KCNU1: variants seen among roughly 807,000 people sequenced by gnomAD.
KCNU1 encodes the protein potassium calcium-activated channel subfamily U member 1.
Under a neutral mutation model 126.8 loss-of-function variants are expected in KCNU1, and 93 were observed. The ratio of observed to expected loss-of-function variants is 0.73; its 90% CI spans 0.62 to 0.87. The LOEUF (loss-of-function observed/expected upper bound fraction) is 0.87. Ranked by LOEUF, KCNU1 falls within the 40% of genes least tolerant of loss-of-function variation. KCNU1 has a pLI of 0.00. For synonymous variants in KCNU1, 523 were observed against 494.2 expected, an observed-to-expected ratio of 1.06 and a Z score of -0.77; for missense variants, 1,330 against 1,367.1, an observed-to-expected ratio of 0.97 and a Z score of 0.43.
At chr8:36,900,094 G>C (rs1807355139) in intron 19 of KCNU1, among the ~76,000 whole-genome samples, 1 of 152,058 alleles carries the variant, frequency 6.6e-6, no homozygotes, top group South Asian at 2.1e-4. Context: ...TTCATGGCAG[G>C]TCTTTTTAAA....
chr8:36,925,309 A>G (rs1158951695), intron 24 of KCNU1, among the ~76,000 whole-genome samples: 1 of 152,172 alleles, frequency 6.6e-6, no homozygotes, highest in Non-Finnish European at 1.5e-5. Flanking sequence ...CATTTGCTCA[A>G]CTGAATTTGG....
intron 24 of KCNU1, among the ~76,000 whole-genome samples, chr8:36,926,083 G>A (rs548041905): frequency 6.6e-6 from 1 of 152,100 alleles, no homozygotes; most frequent in Non-Finnish European, 1.5e-5. Context: ...ATCTTAAGAA[G>A]AGTAACATCT....
intron 25 of KCNU1, among the ~76,000 whole-genome samples, chr8:36,931,778 A>T (rs1157784040): frequency 6.6e-6 from 1 of 152,050 alleles, no homozygotes; most frequent in African/African-American, 2.4e-5. Flanking sequence ...TGGGTCTAAG[A>T]ATCTGGCTGC....
intron 18 of KCNU1, among the ~76,000 whole-genome samples, chr8:36,846,367 T>C (rs1805145266): frequency 6.6e-6 from 1 of 152,224 alleles, no homozygotes. Flanking sequence ...AGTTTACTCA[T>C]CCTGACATGG....
chr8:36,935,527 C>A lies in KCNU1; in HGVS notation c.3057C>A (p.Thr1019=). 6.3e-7 allele frequency: 1 copy of A among 1,596,874 alleles called. No homozygotes were observed. The highest frequency in any genetic ancestry group is 8.5e-7 in the Non-Finnish European group (1 of 1,170,354). ...LNPENKRFVI[T]RPANEFKLLP... The stretch of plus-strand genomic sequence containing the variant: ...ACTTGTCTTACAGGTTTGTGATCAC[C>A]CGGCCAGCCAATGAGTTCAAGCTGC... The change falls in exon 27 of 27, where the codon ACC becomes ACA. Residue 1019 remains threonine, a synonymous_variant. Coordinates refer to ENST00000399881, the MANE Select transcript of KCNU1 (RefSeq NM_001031836.3).
At chr8:36,880,256 C>T (rs544469782) in intron 19 of KCNU1, among the ~76,000 whole-genome samples, 74 of 152,116 alleles carry the variant, frequency 4.9e-4, no homozygotes, top group African/African-American at 1.6e-3. Flanking sequence ...CGTCTATTGG[C>T]GATGATTTGG....
intron 19 of KCNU1, among the ~76,000 whole-genome samples, chr8:36,876,186 G>A (rs148657441): frequency 1.1e-4 from 16 of 152,164 alleles, no homozygotes; most frequent in Non-Finnish European, 1.5e-4. Flanking sequence ...CCCCTAGGCC[G>A]ACACAGGACA....
Position 36,797,603 on chromosome 8 carries a change from A to C in KCNU1, c.316-6424A>C, listed in dbSNP as rs546903469. Among the ~76,000 whole-genome samples, 29 of 151,934 alleles carry C rather than the reference A, an allele frequency of 1.9e-4. 1 individual carries two copies. In the South Asian group the frequency reaches 5.8e-3, roughly 31 times the overall value. Reference sequence around the variant, plus strand: ...TTTATTATGTACCAGTTTTTCTTACATAACACACTATTTCTTTCTGAATGT... The same window carrying C: ...TTTATTATGTACCAGTTTTTCTTACCTAACACACTATTTCTTTCTGAATGT... On this transcript the variant is annotated intron_variant, in intron 2 of 26. Transcript: ENST00000399881.
chr8:36,882,359 A>G (rs1232914848), intron 19 of KCNU1, among the ~76,000 whole-genome samples: 1 of 152,202 alleles, frequency 6.6e-6, no homozygotes, highest in Admixed American at 6.5e-5. Flanking sequence ...TCCTTAACCC[A>G]GAGACAGAGT....
intron 19 of KCNU1, among the ~76,000 whole-genome samples, chr8:36,877,459 C>T (rs530161529): frequency 6.6e-6 from 1 of 152,120 alleles, no homozygotes; most frequent in East Asian, 1.9e-4. Context: ...CCCACCACCA[C>T]ACCCAGCTGA....
At chr8:36,817,358 G>A (rs1803952281) in intron 9 of KCNU1, among the ~76,000 whole-genome samples, 1 of 151,956 alleles carries the variant, frequency 6.6e-6, no homozygotes, top group Non-Finnish European at 1.5e-5. Flanking sequence ...AATTAGCTGG[G>A]CGTGGTGGCG....
At chr8:36,929,155 G>T (rs1213123718) in intron 24 of KCNU1, 1 of 566,596 alleles carries the variant, frequency 1.8e-6, no homozygotes, top group African/African-American at 1.9e-5. Flanking sequence ...GCCAAGGTAG[G>T]TGGATCTCTT....
intron 18 of KCNU1, among the ~76,000 whole-genome samples, chr8:36,857,223 G>A (rs909004728): frequency 6.6e-6 from 1 of 152,208 alleles, no homozygotes; most frequent in Non-Finnish European, 1.5e-5. Context: ...CTGGAGTCAG[G>A]GAGATTAATG....
intron 2 of KCNU1, among the ~76,000 whole-genome samples, chr8:36,801,861 G>T (rs1170003190): frequency 6.6e-6 from 1 of 151,994 alleles, no homozygotes; most frequent in African/African-American, 2.4e-5. Flanking sequence ...TGTAATCCCA[G>T]CACTTGAGAG....
intron 19 of KCNU1, chr8:36,889,122 A>T (rs113559243): frequency 1.9e-6 from 1 of 532,594 alleles, no homozygotes; most frequent in Non-Finnish European, 3.8e-6. Flanking sequence ...CAAGTGATCC[A>T]CCTGCTTTGG....
intron 19 of KCNU1, among the ~76,000 whole-genome samples, chr8:36,868,136 T>C (rs1805977508): frequency 1.3e-5 from 2 of 152,184 alleles, no homozygotes; most frequent in Non-Finnish European, 2.9e-5. Context: ...CTCTGTGATA[T>C]TTCATCAACA....
rs1397788416 is a variant in KCNU1 at position 36,806,528 on chromosome 8, C to T, written c.580+148C>T. Reference sequence around the variant, plus strand: ...CTTAATAGTATGGTTTTGTCATACACTTGCAGAAACCTTTTGACTTTAACA... The same window carrying T: ...CTTAATAGTATGGTTTTGTCATACATTTGCAGAAACCTTTTGACTTTAACA... On this transcript the variant is annotated intron_variant, in intron 5 of 26. Coordinates refer to ENST00000399881, the MANE Select transcript of KCNU1 (RefSeq NM_001031836.3). 5.2e-6 allele frequency: 3 copies of T among 576,506 alleles called. No individual in the cohort carries two copies. The South Asian group carries it at 6.8e-5, about 13-fold the overall frequency. The allele number at this position is 576,506 out of a possible 1,614,324, so 35.7% of individuals were successfully genotyped here.
In KCNU1 at chr8:36,833,581, C is replaced by T. The variant is rs1222577765; in HGVS notation, c.1134C>T (p.Thr378=). The T allele has an allele frequency of 1.9e-6, 3 of 1,611,230 alleles. No homozygotes were observed. The highest frequency in any genetic ancestry group is 2.5e-6 in the Non-Finnish European group (3 of 1,177,908). The change falls in exon 11 of 27, where the codon ACC becomes ACT. Residue 378 remains threonine, a synonymous_variant. Transcript: ENST00000399881. ...GETPPSLELE[T]IFKCYLAYTT... ...CCCCTCCTTCTTTGGAACTTGAAAC[C>T]ATATTTAAATGCTACTTGGCCTACA...
chr8:36,805,431 T>C (rs780622088), intron 4 of KCNU1, 146 bp downstream of exon 4: 32 of 574,908 alleles, frequency 5.6e-5, no homozygotes, highest in Non-Finnish European at 7.8e-5. Flanking sequence ...AAATATATAC[T>C]GATCCCTAAA....
Sources: gnomAD v4.1 joint callset for allele counts (sites outside exome capture counted in the v4.1 genomes callset) on GRCh38, gnomAD v4.1.1 for gene constraint, MANE v1.5 for transcripts, NCBI Gene and HGNC (gene_info 2026-07-23, HGNC 2026-07-21) for gene names.